Variants in CNTN4 observed in about 807,000 individuals in gnomAD.
The protein encoded by CNTN4 is contactin-4.
A neutral mutation model predicts 122.5 loss-of-function variants in CNTN4; 77 were observed. That is an observed-to-expected ratio of 0.63 (90% confidence interval 0.52 to 0.76). The LOEUF (loss-of-function observed/expected upper bound fraction) is 0.76, where lower values mean the gene tolerates loss of function less well. Among genes scored for constraint, CNTN4 ranks in the 30% least tolerant of loss-of-function variants. CNTN4 has a pLI of 0.00. For missense variants in CNTN4, 1,256 were observed against 1,259.1 expected, an observed-to-expected ratio of 1.00 and a Z score of 0.04; for synonymous variants, 512 against 447.0, an observed-to-expected ratio of 1.15 and a Z score of -1.83.
chr3:2,478,255 G>T (rs1181794953), intron 3 of CNTN4, among the ~76,000 whole-genome samples: 3 of 152,078 alleles, frequency 2.0e-5, no homozygotes, highest in African/African-American at 7.2e-5. Context: ...TCTGAGATGT[G>T]CTATAGATCC....
At chr3:2,983,839 C>T (rs981217040) in intron 13 of CNTN4, among the ~76,000 whole-genome samples, 1 of 152,138 alleles carries the variant, frequency 6.6e-6, no homozygotes, top group African/African-American at 2.4e-5. Context: ...CTTCATATTA[C>T]CCCCACATTT....
In CNTN4 at chr3:3,034,765, C is replaced by A. The variant is rs141535749; in HGVS notation, c.1917C>A (p.Ser639=). The A allele has an allele frequency of 6.2e-7, 1 of 1,614,054 alleles. No individual in the cohort carries two copies. Among genetic ancestry groups the A allele is most frequent in the Admixed American group, 1.7e-5 (1 of 60,010 alleles). The change falls in exon 17 of 25, where the codon TCC becomes TCA. Residue 639 remains serine, a synonymous_variant. Transcript: ENST00000418658. ...TCATTCAAGCCAGGACTCCATTCTC[C>A]GTGGGCTGGCAAGCAGTCAGTACAG... ...MYVIQARTPF[S]VGWQAVSTVP...
chr3:2,654,683 G>T (rs1178700938), intron 4 of CNTN4, among the ~76,000 whole-genome samples: 1 of 152,296 alleles, frequency 6.6e-6, no homozygotes, highest in South Asian at 2.1e-4. Context: ...GGTTTGGGAA[G>T]AGTGTGGATT....
intron 3 of CNTN4, among the ~76,000 whole-genome samples, chr3:2,535,318 C>T (rs937012969): frequency 6.6e-6 from 1 of 152,158 alleles, no homozygotes; most frequent in Non-Finnish European, 1.5e-5. Flanking sequence ...AAGAGTTCTG[C>T]TTTCCCTTTG....
At chr3:2,480,303 TG>T (rs755651353) in intron 3 of CNTN4, among the ~76,000 whole-genome samples, 1 of 152,070 alleles carries the variant, frequency 6.6e-6, no homozygotes, top group South Asian at 2.1e-4. Context: ...GTATACAGAT[TG>T]GAAAGGAAGA....
intron 13 of CNTN4, among the ~76,000 whole-genome samples, chr3:2,971,488 A>G (rs1692923805): frequency 6.6e-6 from 1 of 152,184 alleles, no homozygotes; most frequent in East Asian, 1.9e-4. Context: ...ATTGTAATTT[A>G]TATTCACAAA....
chr3:2,513,961 T>G (rs1050431099), intron 3 of CNTN4, among the ~76,000 whole-genome samples: 1 of 152,200 alleles, frequency 6.6e-6, no homozygotes, highest in Admixed American at 6.5e-5. Context: ...TATGTAAAGA[T>G]AGTGCATCTC....
chr3:2,894,349 A>G (rs1460034001), intron 10 of CNTN4, among the ~76,000 whole-genome samples: 1 of 152,214 alleles, frequency 6.6e-6, no homozygotes, highest in Non-Finnish European at 1.5e-5. Flanking sequence ...GAATGCTACC[A>G]TTGTCATTTG....
chr3:2,641,206 C>T (rs1559337468), intron 4 of CNTN4, among the ~76,000 whole-genome samples: 1 of 152,058 alleles, frequency 6.6e-6, no homozygotes, highest in East Asian at 1.9e-4. Context: ...ATATGCTTGG[C>T]CTTTGCAAAT....
intron 3 of CNTN4, among the ~76,000 whole-genome samples, chr3:2,410,556 A>G (rs569513635): frequency 1.3e-5 from 2 of 152,244 alleles, no homozygotes; most frequent in South Asian, 2.1e-4. Flanking sequence ...TTATTATCCT[A>G]TTTTCATATT....
chr3:2,257,456 A>G (rs2040643236), intron 2 of CNTN4, among the ~76,000 whole-genome samples: 1 of 152,230 alleles, frequency 6.6e-6, no homozygotes, highest in Non-Finnish European at 1.5e-5. Flanking sequence ...AATTAACCTA[A>G]AGAGCTTCCT....
At chr3:2,457,677 C>T (rs1264732588) in intron 3 of CNTN4, among the ~76,000 whole-genome samples, 2 of 152,114 alleles carry the variant, frequency 1.3e-5, no homozygotes, top group African/African-American at 2.4e-5. Context: ...GTCCTTTTCT[C>T]GTGATCTGCT....
intron 6 of CNTN4, among the ~76,000 whole-genome samples, chr3:2,801,082 C>T (rs2150058111): frequency 6.6e-6 from 1 of 152,222 alleles, no homozygotes; most frequent in Non-Finnish European, 1.5e-5. Flanking sequence ...TATTATTTTC[C>T]TGCCTCACCT....
intron 2 of CNTN4, among the ~76,000 whole-genome samples, chr3:2,141,833 G>A (rs1403867661): frequency 6.6e-6 from 1 of 152,040 alleles, no homozygotes; most frequent in Non-Finnish European, 1.5e-5. Context: ...GCGTTCTTAT[G>A]ATTGCCTCCA....
intron 4 of CNTN4, among the ~76,000 whole-genome samples, chr3:2,583,306 A>G (rs2080032589): frequency 6.6e-6 from 1 of 152,226 alleles, no homozygotes; most frequent in Admixed American, 6.5e-5. Flanking sequence ...TTGTCTTCTC[A>G]TCCCATCCAA....
At chr3:2,506,036 A>T (rs2076722133) in intron 3 of CNTN4, among the ~76,000 whole-genome samples, 2 of 152,018 alleles carry the variant, frequency 1.3e-5, no homozygotes, top group Admixed American at 1.3e-4. Context: ...CTAATGTAAC[A>T]CTATGGTAAT....
intron 3 of CNTN4, among the ~76,000 whole-genome samples, chr3:2,501,970 A>C (rs1437924119): frequency 1.3e-5 from 2 of 152,182 alleles, no homozygotes; most frequent in East Asian, 3.8e-4. Flanking sequence ...TATTGCATGG[A>C]ATTACCTTCA....
chr3:2,923,511 C>A (rs1559672230), intron 12 of CNTN4, among the ~76,000 whole-genome samples: 2 of 152,302 alleles, frequency 1.3e-5, no homozygotes, highest in East Asian at 3.9e-4. Context: ...CACAGATTAA[C>A]ACAGCTAGCC....
chr3:2,958,830 C>G (rs751055), intron 13 of CNTN4, among the ~76,000 whole-genome samples: 37,596 of 151,950 alleles, frequency 0.25, 4,725 homozygotes, highest in Middle Eastern at 0.33. Context: ...ATCCAGGGAA[C>G]TAATGCTCAA....
Sources: allele counts gnomAD v4.1 joint callset (sites outside exome capture counted in the v4.1 genomes callset), GRCh38; gene constraint gnomAD v4.1.1; transcripts MANE v1.5; gene names NCBI Gene and HGNC (gene_info 2026-07-23, HGNC 2026-07-21).